The following LHPP variants were observed in gnomAD, a reference collection of about 807,000 sequenced individuals.
LHPP encodes the protein hLHPP.
A neutral mutation model predicts 30.3 loss-of-function variants in LHPP; 24 were observed. That is an observed-to-expected ratio of 0.79 (90% CI 0.57 to 1.11). The LOEUF (loss-of-function observed/expected upper bound fraction) is 1.11. LHPP is among the 50% of genes most tolerant of loss of function. LHPP has a pLI of 0.00. For synonymous variants in LHPP, 150 were observed against 157.1 expected (o/e 0.95, Z 0.34); for missense variants, 356 against 367.2 (o/e 0.97, Z 0.25).
intron 6 of LHPP, among the ~76,000 whole-genome samples, chr10:124,543,162 C>A (rs914535260): frequency 6.6e-6 from 1 of 152,226 alleles, no homozygotes; most frequent in Non-Finnish European, 1.5e-5. Flanking sequence ...AAAATGCCCC[C>A]GTTCCAGCTC....
intron 6 of LHPP, among the ~76,000 whole-genome samples, chr10:124,548,639 G>A (rs1955409216): frequency 6.6e-6 from 1 of 152,216 alleles, no homozygotes; most frequent in African/African-American, 2.4e-5. Context: ...GGGAGGTGAT[G>A]CTGCTCACTG....
chr10:124,476,136 C>T (rs1024404672), intron 1 of LHPP, among the ~76,000 whole-genome samples: 1 of 152,020 alleles, frequency 6.6e-6, no homozygotes, highest in Non-Finnish European at 1.5e-5. Context: ...AGCTGGGGGC[C>T]GGCCCCAGCT....
At chr10:124,603,141 C>T (rs375458228) in intron 6 of LHPP, among the ~76,000 whole-genome samples, 1 of 152,198 alleles carries the variant, frequency 6.6e-6, no homozygotes, top group African/African-American at 2.4e-5. Context: ...TGCCTGCGGG[C>T]GGCAGCCTAG....
chr10:124,591,670 T>G (rs1049220349), intron 6 of LHPP, among the ~76,000 whole-genome samples: 2 of 151,976 alleles, frequency 1.3e-5, no homozygotes, highest in African/African-American at 4.8e-5. Context: ...GATGGGAGCT[T>G]CAGTGATCAA....
At chr10:124,520,790 C>T (rs974547123) in intron 6 of LHPP, among the ~76,000 whole-genome samples, 2 of 152,122 alleles carry the variant, frequency 1.3e-5, no homozygotes, top group Admixed American at 6.5e-5. Context: ...ACAGTAGCGG[C>T]GAGCCGCAGG....
At chr10:124,608,496 C>A (rs187197292) in intron 6 of LHPP, among the ~76,000 whole-genome samples, 2 of 152,372 alleles carry the variant, frequency 1.3e-5, no homozygotes, top group African/African-American at 4.8e-5. Flanking sequence ...GCTATTATGA[C>A]CTCGGTCTAG....
intron 2 of LHPP, among the ~76,000 whole-genome samples, chr10:124,486,936 G>A (rs1165439095): frequency 6.6e-6 from 1 of 152,170 alleles, no homozygotes; most frequent in African/African-American, 2.4e-5. Flanking sequence ...GGCCTTTTTT[G>A]GAATGTACAG....
At chr10:124,498,484 AAAT>A in intron 5 of LHPP, 1 of 1,458,820 alleles carries the variant, frequency 6.9e-7, no homozygotes, top group Non-Finnish European at 9.0e-7. Context: ...AATATGGAGG[AAAT>A]AATAAAGTCA....
chr10:124,610,440 C>CTGGTGG (rs1949162192), intron 6 of LHPP, among the ~76,000 whole-genome samples: 1 of 36,502 alleles, frequency 2.7e-5, no homozygotes, highest in Non-Finnish European at 5.0e-5. Flanking sequence ...GGTGCTGATG[C>CTGGTGG]AGCGGGTGAG....
chr10:124,597,916 G>A (rs765108569), intron 6 of LHPP, among the ~76,000 whole-genome samples: 52 of 152,230 alleles, frequency 3.4e-4, no homozygotes, highest in Non-Finnish European at 3.4e-4. Context: ...TCTGCTCCAA[G>A]GCCCTACGCC....
intron 6 of LHPP, among the ~76,000 whole-genome samples, chr10:124,601,246 C>T (rs1949016456): frequency 6.6e-6 from 1 of 152,158 alleles, no homozygotes; most frequent in Admixed American, 6.5e-5. Flanking sequence ...CCGCCTTGCC[C>T]CTTTCAAGGA....
chr10:124,474,046 A>C (rs1039731045), intron 1 of LHPP, among the ~76,000 whole-genome samples: 1 of 151,738 alleles, frequency 6.6e-6, no homozygotes, highest in Admixed American at 6.6e-5. Context: ...ATAAAAGCCA[A>C]CGTTTTACTT....
At chr10:124,555,833 C>T (rs756705690) in intron 6 of LHPP, among the ~76,000 whole-genome samples, 4 of 152,090 alleles carry the variant, frequency 2.6e-5, no homozygotes, top group Non-Finnish European at 5.9e-5. Context: ...GTTCTGGGCT[C>T]AGTTCTGCCC....
In LHPP at chr10:124,596,121, A is replaced by G. The variant is rs1480943552; in HGVS notation, c.717-17143A>G. Among the ~76,000 whole-genome samples the G allele has an allele frequency of 6.6e-6, 1 of 152,168 alleles. No individual in the cohort carries two copies. The highest frequency in any genetic ancestry group is 1.9e-4 in the East Asian group (1 of 5,198). ...CGGCATCCGTGGGTGATGTTTCATC[A>G]CGAGGCTGGACCACGATGTGTTTAT... On this transcript the variant is annotated intron_variant, in intron 6 of 6. Coordinates refer to ENST00000368842, the MANE Select transcript of LHPP (RefSeq NM_022126.4). This position sits in a 1 kb window ranked among gnomAD's most constrained non-coding sequence, Gnocchi z 4.6.
chr10:124,607,587 C>T (rs954809740), intron 6 of LHPP, among the ~76,000 whole-genome samples: 2 of 152,166 alleles, frequency 1.3e-5, no homozygotes, highest in Non-Finnish European at 2.9e-5. Context: ...TATGGGGAGA[C>T]CTCTTGTTCC....
At chr10:124,564,332 C>T (rs1013102632) in intron 6 of LHPP, among the ~76,000 whole-genome samples, 9 of 152,044 alleles carry the variant, frequency 5.9e-5, no homozygotes, top group Non-Finnish European at 1.2e-4. Flanking sequence ...ACCATGTTAC[C>T]CAAGATGGTC....
intron 6 of LHPP, among the ~76,000 whole-genome samples, chr10:124,535,239 C>T (rs1175532671): frequency 2.0e-5 from 3 of 152,240 alleles, no homozygotes; most frequent in East Asian, 1.9e-4. Flanking sequence ...GAACTGACAT[C>T]GTCCTCACTT....
At chr10:124,603,310 A>AG (rs1949050690) in intron 6 of LHPP, among the ~76,000 whole-genome samples, 1 of 151,788 alleles carries the variant, frequency 6.6e-6, no homozygotes, top group Admixed American at 6.6e-5. Context: ...GCTCAGGGGG[A>AG]GGGGTCACCT....
At chr10:124,564,030 TC>T (rs1309319068) in intron 6 of LHPP, among the ~76,000 whole-genome samples, 3 of 152,114 alleles carry the variant, frequency 2.0e-5, no homozygotes, top group African/African-American at 2.4e-5. Context: ...CACTGCAACT[TC>T]GAACTCCTGG....
Sources: gnomAD v4.1 joint callset for allele counts (sites outside exome capture counted in the v4.1 genomes callset) on GRCh38, gnomAD v4.1.1 for gene constraint, Gnocchi (gnomAD v3.1) non-coding constraint, MANE v1.5 for transcripts, NCBI Gene and HGNC (gene_info 2026-07-23, HGNC 2026-07-21) for gene names.